Variants in CDKN2B observed in about 807,000 individuals in gnomAD.
CDKN2B encodes cyclin-dependent kinase 4 inhibitor B.
CDKN2B carries 8 observed loss-of-function variants against 7.7 expected under a neutral mutation model. The ratio of observed to expected loss-of-function variants is 1.04; its 90% confidence interval spans 0.61 to 1.87. The LOEUF (loss-of-function observed/expected upper bound fraction) is 1.87, where lower values mean the gene tolerates loss of function less well. CDKN2B is among the 40% of genes most tolerant of loss of function. CDKN2B has a pLI of 0.00. For missense variants in CDKN2B, 244 were observed against 213.1 expected (o/e 1.15, Z -0.90); for synonymous variants, 93 against 95.8 (o/e 0.97, Z 0.17).
Position 22,004,173 on chromosome 9 carries a change from AATAAC to A in CDKN2B, c.*1809_*1813del, listed in dbSNP as rs1821054910. 4.3e-6 allele frequency: 1 copy of A among 232,394 alleles called. No individual in the cohort carries two copies. The highest frequency in any genetic ancestry group is 2.2e-5 in the African/African-American group (1 of 45,334). 14.4% of individuals were successfully genotyped at this position (232,394 alleles called of 1,614,324 possible). ...GTGTCAATAAACATATCCTTTCCCC[AATAAC>A]ATATGCTCTGATTCTCAACTAACTT... is the stretch of plus-strand genomic sequence containing the variant. On this transcript the variant is annotated 3_prime_UTR_variant, in exon 2 of 2. Coordinates refer to ENST00000276925, the MANE Select transcript of CDKN2B (RefSeq NM_004936.4).
Position 22,005,953 on chromosome 9 carries a change from A to G in CDKN2B, c.*34T>C, listed in dbSNP as rs768447646. The stretch of plus-strand genomic sequence containing the variant: ...TGGGGGTGGGAAATTGGGTAAGAAA[A>G]TAAAGTCGTTGTGGGCGGCTGGGGA... On this transcript the variant is annotated 3_prime_UTR_variant, in exon 2 of 2. Transcript: ENST00000276925. The surrounding 1 kb of genome is among the most constrained non-coding windows in gnomAD (Gnocchi z 4.9). 6.3e-7 allele frequency: 1 copy of G among 1,597,988 alleles called. No individual in the cohort carries two copies.
Position 22,004,240 on chromosome 9 carries a change from G to A in CDKN2B, c.*1747C>T, listed in dbSNP as rs1039001862. ...ATGTTCATTTTGGGAATAGGAATTG[G>A]TAGAGAAGTAAAGATTTGTGTATTC... On this transcript the variant is annotated 3_prime_UTR_variant, in exon 2 of 2. Coordinates refer to ENST00000276925, the MANE Select transcript of CDKN2B (RefSeq NM_004936.4). The A allele has an allele frequency of 4.3e-6, 1 of 232,446 alleles. No homozygotes were observed. Among genetic ancestry groups the A allele is most frequent in the African/African-American group, 2.2e-5 (1 of 45,316 alleles). The allele number at this position is 232,446 out of a possible 1,614,324, so 14.4% of individuals were successfully genotyped here.
chr9:22,007,975 G>A (rs147476888), intron 1 of CDKN2B, among the ~76,000 whole-genome samples: 2 of 152,246 alleles, frequency 1.3e-5, no homozygotes, highest in East Asian at 3.9e-4. Context: ...TGATAGTGAG[G>A]TGAGTACTGA....
chr9:22,003,995 T>C lies in CDKN2B; in HGVS notation c.*1992A>G. ...TCAGCTGTGGAACTAGATGCACTTC[T>C]TTGTGCATCCATGGAATGAATATCT... On this transcript the variant is annotated 3_prime_UTR_variant, in exon 2 of 2. Coordinates refer to ENST00000276925, the MANE Select transcript of CDKN2B (RefSeq NM_004936.4). 4.3e-6 allele frequency: 1 copy of C among 232,864 alleles called. No homozygotes were observed. Among genetic ancestry groups the C allele is most frequent in the Non-Finnish European group, 8.5e-6 (1 of 117,820 alleles). The allele number at this position is 232,864 out of a possible 1,614,324, so 14.4% of individuals were successfully genotyped here. A position where few individuals can be genotyped will look rare whatever the true frequency, so the allele number is the denominator to read the frequency against.
In CDKN2B at chr9:22,002,919, A is replaced by C. The variant is rs575523216; in HGVS notation, c.*3068T>G. The C allele has an allele frequency of 1.6e-5, 3 of 186,658 alleles. No homozygotes were observed. Among genetic ancestry groups the C allele is most frequent in the South Asian group, 3.9e-4 (2 of 5,110 alleles). The allele number at this position is 186,658 out of a possible 1,614,324, so 11.6% of individuals were successfully genotyped here. On this transcript the variant is annotated 3_prime_UTR_variant, in exon 2 of 2. Transcript: ENST00000276925. ...CCAAATGAATGTTATTAAATTTATA[A>C]ATTTATTTAACTTTCCAGATCTTCT...
chr9:22,006,266 T>A lies in CDKN2B; in HGVS notation c.157-19A>T. On this transcript the variant is annotated intron_variant, in intron 1 of 1. Coordinates refer to ENST00000276925, the MANE Select transcript of CDKN2B (RefSeq NM_004936.4). This position sits in a 1 kb window ranked among gnomAD's most constrained non-coding sequence, Gnocchi z 6.4. ...TCATGACCTGCCAGAGAGAGCAGAG[T>A]GGTCAGAGCCAGGGTGGGGGCAGGT... 4 of 1,601,726 alleles carry A rather than the reference T, an allele frequency of 2.5e-6. No individual in the cohort carries two copies. The highest frequency in any genetic ancestry group is 3.4e-6 in the Non-Finnish European group (4 of 1,179,810).
In CDKN2B at chr9:22,005,753, T is replaced by C; in HGVS notation, c.*234A>G. ...ACACACTCCTAAATATCCCTGGAAATCCGCTTCTCTGTGTTTCGCTTCATG... is the reference window on the plus strand; with the variant it reads ...ACACACTCCTAAATATCCCTGGAAACCCGCTTCTCTGTGTTTCGCTTCATG... On this transcript the variant is annotated 3_prime_UTR_variant, in exon 2 of 2. Coordinates refer to ENST00000276925, the MANE Select transcript of CDKN2B (RefSeq NM_004936.4). This position sits in a 1 kb window ranked among gnomAD's most constrained non-coding sequence, Gnocchi z 4.9. The C allele has an allele frequency of 1.6e-6, 1 of 610,962 alleles. No individual in the cohort carries two copies. The highest frequency in any genetic ancestry group is 2.9e-6 in the Non-Finnish European group (1 of 346,408). The allele number at this position is 610,962 out of a possible 1,614,324, so 37.8% of individuals were successfully genotyped here.
At chr9:22,008,666 A>C in intron 1 of CDKN2B, 132 bp downstream of exon 1, 1 of 1,606,440 alleles carries the variant, frequency 6.2e-7, no homozygotes, top group Non-Finnish European at 8.5e-7. Context: ...TTACGCGTGG[A>C]ATGCACACCT....
chr9:22,005,894 C>G lies in CDKN2B; in HGVS notation c.*93G>C. ...TTGCAGGCTTACAGGCTTTCCGCCG[C>G]TCCCCGTTGGCAGCCTTCATCGAAT... On this transcript the variant is annotated 3_prime_UTR_variant, in exon 2 of 2. Transcript: ENST00000276925. The surrounding 1 kb of genome is among the most constrained non-coding windows in gnomAD (Gnocchi z 4.9). 1 of 1,515,606 alleles carries G rather than the reference C, an allele frequency of 6.6e-7. No individual in the cohort carries two copies. The allele number at this position is 1,515,606 out of a possible 1,614,324, so 93.9% of individuals were successfully genotyped here. A position where few individuals can be genotyped will look rare whatever the true frequency, so the allele number is the denominator to read the frequency against.
At position 22,004,755 on chromosome 9, in the gene CDKN2B, G is replaced by A. The variant is rs1587377903; in HGVS notation, c.*1232C>T. 1 of 232,868 alleles carries A rather than the reference G, an allele frequency of 4.3e-6. No homozygotes were observed. Among genetic ancestry groups the A allele is most frequent in the Non-Finnish European group, 8.5e-6 (1 of 117,912 alleles). The allele number at this position is 232,868 out of a possible 1,614,324, so 14.4% of individuals were successfully genotyped here. ...CAATCTACTTTTTCAGCAATCTTTTGGGAACTATCCCAAGATAATTTACTG... is the reference window on the plus strand; with the variant it reads ...CAATCTACTTTTTCAGCAATCTTTTAGGAACTATCCCAAGATAATTTACTG... On this transcript the variant is annotated 3_prime_UTR_variant, in exon 2 of 2. Coordinates refer to ENST00000276925, the MANE Select transcript of CDKN2B (RefSeq NM_004936.4).
chr9:22,006,092 C>G lies in CDKN2B; in HGVS notation c.312G>C (p.Ala104=). 23 of 1,608,274 alleles carry G rather than the reference C, an allele frequency of 1.4e-5. No homozygotes were observed. The highest frequency in any genetic ancestry group is 1.9e-5 in the Non-Finnish European group (22 of 1,179,706). Reference sequence around the variant, plus strand: ...CCCAGGCATCGCGCACGTCCAGCCGCGCCCCGGCCCGGTGCAGCACCACCA... The same window carrying G: ...CCCAGGCATCGCGCACGTCCAGCCGGGCCCCGGCCCGGTGCAGCACCACCA... The part of the protein sequence containing the change: ...DTLVVLHRAG[A]RLDVRDAWGR... Residue 104 remains alanine, a synonymous_variant, in exon 2 of 2, where the codon GCG becomes GCC. Coordinates refer to ENST00000276925, the MANE Select transcript of CDKN2B (RefSeq NM_004936.4). The surrounding 1 kb of genome is among the most constrained non-coding windows in gnomAD (Gnocchi z 6.4).
Position 22,009,263 on chromosome 9 carries a change from C to A in CDKN2B, c.-310G>T, listed in dbSNP as rs1821369549. 2 of 525,934 alleles carry A rather than the reference C, an allele frequency of 3.8e-6. No individual in the cohort carries two copies. The highest frequency in any genetic ancestry group is 6.8e-6 in the Non-Finnish European group (2 of 292,334). The allele number at this position is 525,934 out of a possible 1,614,324, so 32.6% of individuals were successfully genotyped here. On this transcript the variant is annotated 5_prime_UTR_variant, in exon 1 of 2. Transcript: ENST00000276925. ...AGCCGCTCTGGCCGCAGGGTGCGGA[C>A]GCGTCGCGGAGTCCTCACTGCCCCG...
chr9:22,005,930 G>T lies in CDKN2B; in HGVS notation c.*57C>A, dbSNP rs1821150382. 2 of 1,587,530 alleles carry T rather than the reference G, an allele frequency of 1.3e-6. No individual in the cohort carries two copies. The highest frequency in any genetic ancestry group is 4.5e-5 in the East Asian group (2 of 44,556). On this transcript the variant is annotated 3_prime_UTR_variant, in exon 2 of 2. Coordinates refer to ENST00000276925, the MANE Select transcript of CDKN2B (RefSeq NM_004936.4). This position sits in a 1 kb window ranked among gnomAD's most constrained non-coding sequence, Gnocchi z 4.9. ...CAGCCTTCATCGAATTAGGTGGGTG[G>T]GGGTGGGAAATTGGGTAAGAAAATA...
chr9:22,008,680 G>A (rs1221374430), intron 1 of CDKN2B, 118 bp downstream of exon 1: 2 of 1,608,940 alleles, frequency 1.2e-6, no homozygotes, highest in Non-Finnish European at 8.5e-7. Context: ...CACACCTCCG[G>A]CCAACGGAGA....
chr9:22,005,094 G>A lies in CDKN2B; in HGVS notation c.*893C>T, dbSNP rs1267056396. On this transcript the variant is annotated 3_prime_UTR_variant, in exon 2 of 2. Transcript: ENST00000276925. This position sits in a 1 kb window ranked among gnomAD's most constrained non-coding sequence, Gnocchi z 4.9. Reference sequence around the variant, plus strand: ...AATCAAAAAGTAGCAAGTCATAAGGGGATTTCCGCATCCTAGCATGTGTGT... The same window carrying A: ...AATCAAAAAGTAGCAAGTCATAAGGAGATTTCCGCATCCTAGCATGTGTGT... 8.7e-6 allele frequency: 2 copies of A among 229,444 alleles called. No homozygotes were observed. Among genetic ancestry groups the A allele is most frequent in the African/African-American group, 4.6e-5 (2 of 43,852 alleles). The allele number at this position is 229,444 out of a possible 1,614,324, so 14.2% of individuals were successfully genotyped here.
rs184884421 is a variant in CDKN2B, at chr9:22,003,887, T to A, written c.*2100A>T. 1.4e-3 allele frequency: 335 copies of A among 232,320 alleles called. No homozygotes were observed. Among genetic ancestry groups the A allele is most frequent in the African/African-American group, 4.4e-3 (198 of 45,410 alleles). 14.4% of individuals were successfully genotyped at this position (232,320 alleles called of 1,614,324 possible). ...ATCATTGTGTATTTCTGCTTTTTTTTAAAAAAAGTTATCTTCATGTGTATC... is the reference window on the plus strand; with the variant it reads ...ATCATTGTGTATTTCTGCTTTTTTTAAAAAAAAGTTATCTTCATGTGTATC... On this transcript the variant is annotated 3_prime_UTR_variant, in exon 2 of 2. Transcript: ENST00000276925.
At position 22,004,793 on chromosome 9, in the gene CDKN2B, T is replaced by C. The variant is rs1008481607; in HGVS notation, c.*1194A>G. 1 of 233,086 alleles carries C rather than the reference T, an allele frequency of 4.3e-6. No individual in the cohort carries two copies. The highest frequency in any genetic ancestry group is 8.5e-6 in the Non-Finnish European group (1 of 118,016). The allele number at this position is 233,086 out of a possible 1,614,324, so 14.4% of individuals were successfully genotyped here. A position where few individuals can be genotyped will look rare whatever the true frequency, so the allele number is the denominator to read the frequency against. Reference sequence around the variant, plus strand: ...AGATAATTTACTGCATAAGTGCATCTATCTTCTAAAAGACATTTGGAATAT... The same window carrying C: ...AGATAATTTACTGCATAAGTGCATCCATCTTCTAAAAGACATTTGGAATAT... On this transcript the variant is annotated 3_prime_UTR_variant, in exon 2 of 2. Coordinates refer to ENST00000276925, the MANE Select transcript of CDKN2B (RefSeq NM_004936.4).
chr9:22,009,169 C>A lies in CDKN2B; in HGVS notation c.-216G>T. Reference sequence around the variant, plus strand: ...TTAGCTCCGGGCTTTTCCTGGCGCTCAAGAACCAGCGGGCGCGCCTGGATT... The same window carrying A: ...TTAGCTCCGGGCTTTTCCTGGCGCTAAAGAACCAGCGGGCGCGCCTGGATT... On this transcript the variant is annotated 5_prime_UTR_variant, in exon 1 of 2. Coordinates refer to ENST00000276925, the MANE Select transcript of CDKN2B (RefSeq NM_004936.4). The A allele has an allele frequency of 1.5e-6, 1 of 665,140 alleles. No individual in the cohort carries two copies. Among genetic ancestry groups the A allele is most frequent in the South Asian group, 1.9e-5 (1 of 51,932 alleles). 41.2% of individuals were successfully genotyped at this position (665,140 alleles called of 1,614,324 possible).
Position 22,003,803 on chromosome 9 carries a change from C to G in CDKN2B, c.*2184G>C. Reference sequence around the variant, plus strand: ...CATTTTAAAATAGTTTTCAAACAAACCGTTTATATTTACTAGAAGTTAGAG... The same window carrying G: ...CATTTTAAAATAGTTTTCAAACAAAGCGTTTATATTTACTAGAAGTTAGAG... On this transcript the variant is annotated 3_prime_UTR_variant, in exon 2 of 2. Coordinates refer to ENST00000276925, the MANE Select transcript of CDKN2B (RefSeq NM_004936.4). 4.3e-6 allele frequency: 1 copy of G among 231,822 alleles called. No homozygotes were observed. The allele number at this position is 231,822 out of a possible 1,614,324, so 14.4% of individuals were successfully genotyped here.
Sources: allele counts gnomAD v4.1 joint callset (sites outside exome capture counted in the v4.1 genomes callset), GRCh38; gene constraint gnomAD v4.1.1; non-coding constraint Gnocchi (gnomAD v3.1); transcripts MANE v1.5; gene names NCBI Gene and HGNC (gene_info 2026-07-23, HGNC 2026-07-21).